NSD2: variants seen among roughly 807,000 people sequenced by gnomAD.
NSD2 encodes the protein histone-lysine N-methyltransferase NSD2.
NSD2 carries 12 observed loss-of-function variants against 139.0 expected under a neutral mutation model. The observed-to-expected ratio is 0.09, with a 90% confidence interval of 0.06 to 0.14. The LOEUF (loss-of-function observed/expected upper bound fraction) is 0.14, where lower values mean the gene tolerates loss of function less well. Ranked by LOEUF, NSD2 falls within the 10% of genes least tolerant of loss-of-function variation. The probability of loss-of-function intolerance (pLI) is 1.00; values close to 1 mark genes in which losing one functional copy is unlikely to be tolerated. For missense variants in NSD2, 1,155 were observed against 1,745.0 expected, an observed-to-expected ratio of 0.66 and a Z score of 6.02; for synonymous variants, 669 against 648.7, an observed-to-expected ratio of 1.03 and a Z score of -0.48.
At position 1,942,769 on chromosome 4, in the gene NSD2, T is replaced by C. The variant is rs1048284427; in HGVS notation, c.1881+2991T>C. 16 of 1,083,084 alleles carry C rather than the reference T, an allele frequency of 1.5e-5. No homozygotes were observed. Among genetic ancestry groups the C allele is most frequent in the Non-Finnish European group, 1.8e-5 (16 of 889,432 alleles). 67.1% of individuals were successfully genotyped at this position (1,083,084 alleles called of 1,614,324 possible). A position where few individuals can be genotyped will look rare whatever the true frequency, so the allele number is the denominator to read the frequency against. On this transcript the variant is annotated intron_variant, in intron 9 of 21. Transcript: ENST00000508803. The surrounding 1 kb of genome is among the most constrained non-coding windows in gnomAD (Gnocchi z 4.0). ...TCTAGTTTGTAACTTACTGGACTTT[T>C]GTGGAAAATATCAGCGTCGCTACCC...
intron 1 of NSD2, among the ~76,000 whole-genome samples, chr4:1,875,351 G>A (rs1370800319): frequency 6.9e-6 from 1 of 145,692 alleles, no homozygotes; most frequent in African/African-American, 2.6e-5. Flanking sequence ...ATATGATCAC[G>A]GCTCATTGCA....
intron 1 of NSD2, among the ~76,000 whole-genome samples, chr4:1,886,561 G>A (rs1318630870): frequency 1.3e-5 from 2 of 152,258 alleles, no homozygotes; most frequent in South Asian, 2.1e-4. Flanking sequence ...GCTGGGCGCG[G>A]TGACTCACGC....
intron 3 of NSD2, chr4:1,912,304 C>T (rs1354673857): frequency 6.0e-6 from 1 of 167,196 alleles, no homozygotes; most frequent in Non-Finnish European, 1.3e-5. Context: ...TTGAACTCTT[C>T]AGCCATTTTC....
chr4:1,881,212 G>A lies in NSD2; in HGVS notation c.-30+9670G>A, dbSNP rs142034802. Among the ~76,000 whole-genome samples the A allele has an allele frequency of 3.9e-5, 6 of 152,112 alleles. No homozygotes were observed. The East Asian group carries it at 1.2e-3, about 29-fold the overall frequency. Reference sequence around the variant, plus strand: ...CCCACCTCAGCCTCCTGCGTAGCTGGGACACAGGCGTGTGCCACTACACCT... The same window carrying A: ...CCCACCTCAGCCTCCTGCGTAGCTGAGACACAGGCGTGTGCCACTACACCT... On this transcript the variant is annotated intron_variant, in intron 1 of 21. Transcript: ENST00000508803.
chr4:1,904,818 G>A (rs903729755), intron 3 of NSD2, among the ~76,000 whole-genome samples: 15 of 152,100 alleles, frequency 9.9e-5, no homozygotes, highest in Admixed American at 9.2e-4. Flanking sequence ...TTTTTACATG[G>A]AGCGGCTGAT....
intron 3 of NSD2, among the ~76,000 whole-genome samples, chr4:1,910,186 A>G (rs1464667456): frequency 6.6e-6 from 1 of 152,124 alleles, no homozygotes; most frequent in Non-Finnish European, 1.5e-5. Context: ...TGTGTTAGCT[A>G]GTATCTACCA....
intron 7 of NSD2, among the ~76,000 whole-genome samples, chr4:1,936,218 G>C (rs1052072537): frequency 6.6e-6 from 1 of 152,194 alleles, no homozygotes; most frequent in African/African-American, 2.4e-5. Flanking sequence ...GGGTTATTCT[G>C]TCTAGCGTAT....
At chr4:1,933,358 C>T (rs1354668752) in intron 6 of NSD2, among the ~76,000 whole-genome samples, 1 of 152,192 alleles carries the variant, frequency 6.6e-6, no homozygotes, top group Non-Finnish European at 1.5e-5. Context: ...AGGGTGACAG[C>T]GTCCTTCAGG....
chr4:1,965,704 A>G (rs895407623), intron 18 of NSD2, among the ~76,000 whole-genome samples: 2 of 152,234 alleles, frequency 1.3e-5, no homozygotes, highest in African/African-American at 2.4e-5. Flanking sequence ...ACAGTTCCAC[A>G]TAACAGGGGA....
chr4:1,961,238 G>A, intron 18 of NSD2, 87 bp downstream of exon 18: 1 of 1,048,386 alleles, frequency 9.5e-7, no homozygotes, highest in Non-Finnish European at 1.4e-6. Context: ...TTGCCCTGTG[G>A]CAGCGCCAGC....
intron 2 of NSD2, among the ~76,000 whole-genome samples, chr4:1,903,840 T>C (rs1459520767): frequency 6.6e-6 from 1 of 151,420 alleles, no homozygotes; most frequent in Non-Finnish European, 1.5e-5. Context: ...GTTCACGCCA[T>C]TCTCCTGCCT....
chr4:1,955,872 CTT>C lies in NSD2; in HGVS notation c.2675+26_2675+27del, dbSNP rs1344193963. 6 of 1,611,122 alleles carry C rather than the reference CTT, an allele frequency of 3.7e-6. No homozygotes were observed. Among genetic ancestry groups the C allele is most frequent in the Non-Finnish European group, 4.2e-6 (5 of 1,177,614 alleles). On this transcript the variant is annotated intron_variant, in intron 14 of 21. Transcript: ENST00000508803. The surrounding 1 kb of genome is among the most constrained non-coding windows in gnomAD (Gnocchi z 4.7). ...CAGGTGTGAGACATAGAATCGTATG[CTT>C]TTATGTCTTTTCTGTTCACATGTGT...
chr4:1,953,920 C>G (rs1276024005), intron 12 of NSD2, among the ~76,000 whole-genome samples: 4 of 151,782 alleles, frequency 2.6e-5, no homozygotes, highest in Non-Finnish European at 4.4e-5. Flanking sequence ...AAGCTGTCCT[C>G]CTGCCTCAGC....
intron 1 of NSD2, among the ~76,000 whole-genome samples, chr4:1,881,453 C>T (rs185544758): frequency 2.5e-3 from 387 of 152,244 alleles, no homozygotes; most frequent in African/African-American, 8.9e-3. Flanking sequence ...TTAGTAGAGA[C>T]GGGGTTTCAC....
At chr4:1,904,169 G>A (rs770736637) in intron 2 of NSD2, 47 bp from the exon 3 acceptor site, 22 of 1,587,968 alleles carry the variant, frequency 1.4e-5, no homozygotes, top group Middle Eastern at 1.7e-4. Flanking sequence ...GGATACACAG[G>A]TAGTGATTGG....
chr4:1,908,328 C>T (rs898590693), intron 3 of NSD2, among the ~76,000 whole-genome samples: 12 of 152,218 alleles, frequency 7.9e-5, no homozygotes, highest in African/African-American at 2.7e-4. Flanking sequence ...TGTCCTGCAC[C>T]AGCATAGGCT....
At chr4:1,872,627 A>C (rs985650763) in intron 1 of NSD2, among the ~76,000 whole-genome samples, 8 of 143,236 alleles carry the variant, frequency 5.6e-5, no homozygotes, top group Admixed American at 4.5e-4. Context: ...AGAGAGAGAG[A>C]GAGAGAGAGC....
intron 9 of NSD2, chr4:1,940,948 C>T (rs527424405): frequency 1.0e-5 from 11 of 1,057,692 alleles, no homozygotes; most frequent in Admixed American, 1.1e-4. Context: ...CTCAAACCAA[C>T]TCAGTGGTGG....
intron 20 of NSD2, among the ~76,000 whole-genome samples, chr4:1,975,977 G>A (rs1727033465): frequency 6.6e-6 from 1 of 152,174 alleles, no homozygotes; most frequent in African/African-American, 2.4e-5. Flanking sequence ...CCTGTGCTGT[G>A]TAGAACCTGG....
Sources: gnomAD v4.1 joint callset for allele counts (sites outside exome capture counted in the v4.1 genomes callset) on GRCh38, gnomAD v4.1.1 for gene constraint, Gnocchi (gnomAD v3.1) non-coding constraint, MANE v1.5 for transcripts, NCBI Gene and HGNC (gene_info 2026-07-23, HGNC 2026-07-21) for gene names.